Variants in CSMD1 observed in about 807,000 individuals in gnomAD.
CSMD1 encodes CUB and Sushi multiple domains 1, also known as CUB and sushi domain-containing protein 1.
A neutral mutation model predicts 417.5 loss-of-function variants in CSMD1; 213 were observed. The observed-to-expected ratio is 0.51, with a 90% CI of 0.46 to 0.57. The LOEUF is 0.57. Ranked by LOEUF, CSMD1 falls within the 20% of genes least tolerant of loss-of-function variation. The pLI, the probability that CSMD1 is intolerant of heterozygous loss-of-function variation, is 0.00. For missense variants in CSMD1, 6,923 were observed against 4,529.7 expected, an observed-to-expected ratio of 1.53 and a Z score of -15.17; for synonymous variants, 2,862 against 1,736.8, an observed-to-expected ratio of 1.65 and a Z score of -16.11.
At chr8:4,182,793 G>A (rs900973559) in intron 3 of CSMD1, among the ~76,000 whole-genome samples, 1 of 151,974 alleles carries the variant, frequency 6.6e-6, no homozygotes, top group African/African-American at 2.4e-5. Flanking sequence ...ATGAAGTGAA[G>A]GGAATATAAT....
chr8:4,699,385 C>G (rs962555901), intron 1 of CSMD1, among the ~76,000 whole-genome samples: 1 of 152,148 alleles, frequency 6.6e-6, no homozygotes, highest in South Asian at 2.1e-4. Context: ...CAACTCACAC[C>G]TTGTACTGAT....
At chr8:4,721,034 T>C (rs540254286) in intron 1 of CSMD1, among the ~76,000 whole-genome samples, 2 of 152,306 alleles carry the variant, frequency 1.3e-5, no homozygotes, top group East Asian at 1.9e-4. Context: ...GTTTATAGCA[T>C]TATTCATAAA....
intron 26 of CSMD1, among the ~76,000 whole-genome samples, chr8:3,264,938 T>C (rs896325312): frequency 2.0e-5 from 3 of 152,162 alleles, no homozygotes; most frequent in Non-Finnish European, 4.4e-5. Context: ...ATAGCTTATA[T>C]ATTCTTTAAT....
intron 7 of CSMD1, among the ~76,000 whole-genome samples, chr8:3,636,780 T>A (rs1280471739): frequency 6.6e-6 from 1 of 152,172 alleles, no homozygotes; most frequent in Non-Finnish European, 1.5e-5. Flanking sequence ...TCCTGACACT[T>A]CCACACTTTG....
chr8:3,889,000 T>C (rs1338960804), intron 5 of CSMD1, among the ~76,000 whole-genome samples: 2 of 152,174 alleles, frequency 1.3e-5, no homozygotes, highest in Admixed American at 1.3e-4. Flanking sequence ...CAAAAGTACT[T>C]ACAAACTCAT....
chr8:3,747,294 A>G (rs1466561335), intron 6 of CSMD1, among the ~76,000 whole-genome samples: 1 of 152,166 alleles, frequency 6.6e-6, no homozygotes, highest in Non-Finnish European at 1.5e-5. Flanking sequence ...GGGATTCTCT[A>G]GGTAATTTTA....
chr8:4,443,693 C>T lies in CSMD1; in HGVS notation c.303-23628G>A, dbSNP rs148479437. The stretch of plus-strand genomic sequence containing the variant: ...ATTTATACCATTCAATCCTGCAATT[C>T]CCAACAAAATTCTAGCAGCAGTTGG... On this transcript the variant is annotated intron_variant, in intron 2 of 69. Coordinates refer to ENST00000635120, the MANE Select transcript of CSMD1 (RefSeq NM_033225.6). Among the ~76,000 whole-genome samples, 15 of 152,262 alleles carry T rather than the reference C, an allele frequency of 9.9e-5. No individual in the cohort carries two copies. In the East Asian group the frequency reaches 2.9e-3, roughly 29 times the overall value.
chr8:3,743,646 A>G (rs1584933735), intron 6 of CSMD1, among the ~76,000 whole-genome samples: 1 of 152,260 alleles, frequency 6.6e-6, no homozygotes, highest in East Asian at 1.9e-4. Context: ...TGGTTCCTAA[A>G]TGAGGTGATT....
chr8:4,899,766 A>T (rs747205860), intron 1 of CSMD1, among the ~76,000 whole-genome samples: 1 of 152,216 alleles, frequency 6.6e-6, no homozygotes, highest in East Asian at 1.9e-4. Flanking sequence ...AGAATGCACT[A>T]TAACTTCATC....
chr8:3,867,199 G>C (rs1256500973), intron 5 of CSMD1, among the ~76,000 whole-genome samples: 1 of 152,008 alleles, frequency 6.6e-6, no homozygotes, highest in Non-Finnish European at 1.5e-5. Flanking sequence ...TGTATATATA[G>C]ACAAAAGAGT....
At chr8:4,668,739 A>G (rs1380376563) in intron 1 of CSMD1, among the ~76,000 whole-genome samples, 1 of 151,758 alleles carries the variant, frequency 6.6e-6, no homozygotes, top group African/African-American at 2.4e-5. Flanking sequence ...TTTGCCTACA[A>G]CCTCTCTCTA....
rs193147028 is a variant in CSMD1 at position 4,909,283 on chromosome 8, G to C, written c.85+85049C>G. Among the ~76,000 whole-genome samples, 1,158 of 151,882 alleles carry C rather than the reference G, an allele frequency of 7.6e-3. 13 individuals are homozygous for C. The highest frequency in any genetic ancestry group is 0.024 in the African/African-American group (977 of 41,476). On this transcript the variant is annotated intron_variant, in intron 1 of 69. Transcript: ENST00000635120. Reference sequence around the variant, plus strand: ...AGTCTTTTAGTGATCCTGTGTTTCAGGGCTATGACTTTTCTGAGAATTTTC... The same window carrying C: ...AGTCTTTTAGTGATCCTGTGTTTCACGGCTATGACTTTTCTGAGAATTTTC...
chr8:4,334,739 G>C (rs117800847), intron 3 of CSMD1, among the ~76,000 whole-genome samples: 2 of 152,248 alleles, frequency 1.3e-5, no homozygotes, highest in South Asian at 2.1e-4. Flanking sequence ...ATACTTGAAC[G>C]ATACGCTCGA....
chr8:3,285,891 G>T (rs557298156), intron 25 of CSMD1, among the ~76,000 whole-genome samples: 3 of 151,892 alleles, frequency 2.0e-5, no homozygotes, highest in East Asian at 1.9e-4. Flanking sequence ...GTGCAGGTTT[G>T]TTACATGTGT....
intron 1 of CSMD1, among the ~76,000 whole-genome samples, chr8:4,695,626 T>G (rs555390843): frequency 1.5e-4 from 23 of 152,256 alleles, no homozygotes; most frequent in Non-Finnish European, 3.1e-4. Context: ...ATTCTCAACA[T>G]ACGCCACCAA....
intron 3 of CSMD1, among the ~76,000 whole-genome samples, chr8:4,206,186 T>C (rs1799965930): frequency 6.6e-6 from 1 of 151,852 alleles, no homozygotes; most frequent in South Asian, 2.1e-4. Context: ...TGCTGAAAAA[T>C]GAGGATTTCT....
chr8:3,208,542 G>C (rs1797432807), intron 30 of CSMD1, among the ~76,000 whole-genome samples: 1 of 152,162 alleles, frequency 6.6e-6, no homozygotes, highest in East Asian at 1.9e-4. Flanking sequence ...TGGGATTACA[G>C]GGCTGAGCCA....
chr8:4,750,938 T>C (rs1811286041), intron 1 of CSMD1, among the ~76,000 whole-genome samples: 1 of 152,220 alleles, frequency 6.6e-6, no homozygotes, highest in Non-Finnish European at 1.5e-5. Context: ...GGCATAATGT[T>C]GGTGCTTACA....
intron 2 of CSMD1, among the ~76,000 whole-genome samples, chr8:4,451,526 A>G (rs963875694): frequency 5.9e-5 from 9 of 152,166 alleles, no homozygotes; most frequent in African/African-American, 2.2e-4. Flanking sequence ...CAAAAATTCC[A>G]GAGACAGTGA....
Sources: allele counts gnomAD v4.1 joint callset (sites outside exome capture counted in the v4.1 genomes callset), GRCh38; gene constraint gnomAD v4.1.1; transcripts MANE v1.5; gene names NCBI Gene and HGNC (gene_info 2026-07-23, HGNC 2026-07-21).